Variants in RORA observed in about 807,000 individuals in gnomAD.
RORA encodes nuclear receptor ROR-alpha.
A neutral mutation model predicts 69.5 loss-of-function variants in RORA; 7 were observed. The observed-to-expected ratio is 0.10, with a 90% CI of 0.06 to 0.19. The LOEUF (loss-of-function observed/expected upper bound fraction) is 0.19, where lower values mean the gene tolerates loss of function less well. Among genes scored for constraint, RORA ranks in the 10% least tolerant of loss-of-function variants. The pLI, the probability that RORA is intolerant of heterozygous loss-of-function variation, is 1.00. For missense variants in RORA, 457 were observed against 663.0 expected (o/e 0.69, Z 3.41); for synonymous variants, 261 against 240.8 (o/e 1.08, Z -0.78).
intron 1 of RORA, among the ~76,000 whole-genome samples, chr15:61,200,632 T>C (rs11071592): frequency 0.82 from 124,846 of 152,174 alleles, 52,616 homozygotes; most frequent in Non-Finnish European, 0.93. Flanking sequence ...TTGTGGCACC[T>C]TGAAACACTC....
chr15:60,940,538 C>T (rs566112552), intron 1 of RORA, among the ~76,000 whole-genome samples: 7 of 152,192 alleles, frequency 4.6e-5, no homozygotes, highest in South Asian at 2.1e-4. Context: ...CCCGAGGGAA[C>T]ATTTTAGGTG....
At chr15:60,641,844 G>A (rs2069949784) in intron 2 of RORA, among the ~76,000 whole-genome samples, 1 of 152,036 alleles carries the variant, frequency 6.6e-6, no homozygotes, top group South Asian at 2.1e-4. Flanking sequence ...ACCAAGTAGA[G>A]GCACTTCGGG....
chr15:61,151,111 C>G (rs1056648600), intron 1 of RORA, among the ~76,000 whole-genome samples: 8 of 151,972 alleles, frequency 5.3e-5, no homozygotes, highest in Non-Finnish European at 1.2e-4. Context: ...CACTCTTTTA[C>G]TCTATGCCCA....
chr15:60,612,296 T>C (rs1429680107), intron 2 of RORA, among the ~76,000 whole-genome samples: 3 of 152,028 alleles, frequency 2.0e-5, no homozygotes, highest in Non-Finnish European at 4.4e-5. Flanking sequence ...AGTCATCTTA[T>C]AATCCATTAA....
At chr15:60,801,822 T>C (rs912546477) in intron 1 of RORA, among the ~76,000 whole-genome samples, 6 of 152,252 alleles carry the variant, frequency 3.9e-5, no homozygotes, top group Non-Finnish European at 8.8e-5. Flanking sequence ...AATAATCCCT[T>C]AACTGTATGG....
chr15:60,524,785 C>A (rs2066292551), intron 3 of RORA, among the ~76,000 whole-genome samples: 1 of 152,166 alleles, frequency 6.6e-6, no homozygotes, highest in Non-Finnish European at 1.5e-5. Flanking sequence ...GCACCTGCTC[C>A]CTACTAGGCA....
intron 1 of RORA, among the ~76,000 whole-genome samples, chr15:60,704,041 G>T (rs765047920): frequency 1.3e-5 from 2 of 152,110 alleles, no homozygotes; most frequent in Non-Finnish European, 2.9e-5. Flanking sequence ...AAATGAACTT[G>T]ATTTTGATCA....
intron 1 of RORA, among the ~76,000 whole-genome samples, chr15:61,099,155 T>C (rs2078841684): frequency 6.6e-6 from 1 of 152,208 alleles, no homozygotes; most frequent in South Asian, 2.1e-4. Context: ...AGAATCACTC[T>C]AAAAACCTCA....
At chr15:61,137,066 A>AGAAAGAAAGAAAGAAAGAAAGAAG (rs2140856601) in intron 1 of RORA, among the ~76,000 whole-genome samples, 1 of 149,442 alleles carries the variant, frequency 6.7e-6, no homozygotes, top group African/African-American at 2.5e-5. Context: ...AAAGAAAGAA[A>AGAAAGAAAGAAAGAAAGAAAGAAG]GAAAGAAAGA....
intron 3 of RORA, among the ~76,000 whole-genome samples, chr15:60,517,285 AC>A (rs1486061422): frequency 2.6e-5 from 4 of 152,008 alleles, no homozygotes; most frequent in African/African-American, 9.7e-5. Flanking sequence ...ACAGGGCAGG[AC>A]CCTGACTTCT....
intron 1 of RORA, among the ~76,000 whole-genome samples, chr15:61,157,106 C>G (rs2079450629): frequency 6.6e-6 from 1 of 152,154 alleles, no homozygotes; most frequent in Admixed American, 6.5e-5. Context: ...ATTAAGGTAG[C>G]ACACGGCACA....
At chr15:60,722,262 C>G (rs1373619192) in intron 1 of RORA, among the ~76,000 whole-genome samples, 3 of 152,162 alleles carry the variant, frequency 2.0e-5, no homozygotes, top group Non-Finnish European at 2.9e-5. Context: ...ATAAAATTCT[C>G]TATATGTCAT....
chr15:60,543,982 G>A (rs1259446434), intron 2 of RORA, among the ~76,000 whole-genome samples: 1 of 152,174 alleles, frequency 6.6e-6, no homozygotes, highest in Non-Finnish European at 1.5e-5. Flanking sequence ...CAGTGAGGCT[G>A]GCATCTTGGA....
intron 1 of RORA, among the ~76,000 whole-genome samples, chr15:60,839,305 T>C (rs778785439): frequency 1.3e-5 from 2 of 152,214 alleles, no homozygotes; most frequent in African/African-American, 2.4e-5. Context: ...AATAATCACA[T>C]TAAAGATGAT....
At chr15:60,665,326 A>G (rs978960266) in intron 2 of RORA, among the ~76,000 whole-genome samples, 57 of 152,216 alleles carry the variant, frequency 3.7e-4, no homozygotes, top group African/African-American at 1.4e-3. Flanking sequence ...GCATAAATGT[A>G]GATGCCAATG....
At chr15:61,149,172 T>C (rs564512018) in intron 1 of RORA, among the ~76,000 whole-genome samples, 1 of 152,336 alleles carries the variant, frequency 6.6e-6, no homozygotes, top group East Asian at 1.9e-4. Context: ...GGCAGCCTCC[T>C]CGCCAGCTTC....
At chr15:60,888,809 G>A (rs1229525805) in intron 1 of RORA, among the ~76,000 whole-genome samples, 3 of 151,690 alleles carry the variant, frequency 2.0e-5, no homozygotes, top group Non-Finnish European at 4.4e-5. Flanking sequence ...GCTTCTTGAT[G>A]AGCCCTTCCT....
intron 1 of RORA, among the ~76,000 whole-genome samples, chr15:61,191,009 C>CA (rs568737565): frequency 0.15 from 22,495 of 145,158 alleles, 2,267 homozygotes; most frequent in African/African-American, 0.27. Context: ...GGAAATGGTC[C>CA]AAAAAAAAAA....
chr15:60,993,299 T>C (rs1482163496), intron 1 of RORA, among the ~76,000 whole-genome samples: 1 of 152,160 alleles, frequency 6.6e-6, no homozygotes, highest in African/African-American at 2.4e-5. Flanking sequence ...AAGGTATTAC[T>C]GTCCCCCTTT....
Sources: allele counts gnomAD v4.1 joint callset (sites outside exome capture counted in the v4.1 genomes callset), GRCh38; gene constraint gnomAD v4.1.1; transcripts MANE v1.5; gene names NCBI Gene and HGNC (gene_info 2026-07-23, HGNC 2026-07-21).